Variants in MGAT4C observed in about 807,000 individuals in gnomAD.
MGAT4C encodes the protein alpha-1,3-mannosyl-glycoprotein 4-beta-N-acetylglucosaminyltransferase C.
MGAT4C carries 19 observed loss-of-function variants against 40.1 expected under a neutral mutation model. The ratio of observed to expected loss-of-function variants is 0.47; its 90% confidence interval spans 0.33 to 0.70. MGAT4C has a LOEUF of 0.70. Among genes scored for constraint, MGAT4C ranks in the 30% least tolerant of loss-of-function variants. The probability of loss-of-function intolerance (pLI) is 0.02; values close to 1 mark genes in which losing one functional copy is unlikely to be tolerated. For missense variants in MGAT4C, 491 were observed against 563.2 expected, an observed-to-expected ratio of 0.87 and a Z score of 1.30; for synonymous variants, 181 against 187.1, an observed-to-expected ratio of 0.97 and a Z score of 0.27.
chr12:86,172,385 A>C (rs1247469076), intron 1 of MGAT4C, among the ~76,000 whole-genome samples: 1 of 152,172 alleles, frequency 6.6e-6, no homozygotes, highest in African/African-American at 2.4e-5. Context: ...GTCCAATAAA[A>C]TTTCTATATT....
intron 3 of MGAT4C, among the ~76,000 whole-genome samples, chr12:86,359,755 A>G (rs1449780375): frequency 2.0e-5 from 3 of 152,198 alleles, no homozygotes; most frequent in Admixed American, 1.3e-4. Flanking sequence ...TCCTGGACAC[A>G]TACACCCTCC....
chr12:86,708,613 C>T (rs1950504276), intron 2 of MGAT4C, among the ~76,000 whole-genome samples: 1 of 152,122 alleles, frequency 6.6e-6, no homozygotes, highest in African/African-American at 2.4e-5. Flanking sequence ...TGAAAGCAGC[C>T]AGGAGGGAGG....
intron 2 of MGAT4C, among the ~76,000 whole-genome samples, chr12:86,505,109 C>G (rs774277830): frequency 2.9e-4 from 44 of 151,954 alleles, no homozygotes; most frequent in East Asian, 1.9e-4. Flanking sequence ...GTGATAACGC[C>G]TGGTTAAAAA....
intron 1 of MGAT4C, among the ~76,000 whole-genome samples, chr12:86,112,316 C>G (rs1053278897): frequency 2.6e-5 from 4 of 151,464 alleles, no homozygotes; most frequent in African/African-American, 9.7e-5. Flanking sequence ...TTACTTCCCC[C>G]CCACCCTTTT....
At chr12:86,730,379 T>TAAAG (rs1950888667) in intron 1 of MGAT4C, among the ~76,000 whole-genome samples, 1 of 106,042 alleles carries the variant, frequency 9.4e-6, no homozygotes, top group Admixed American at 1.1e-4. Flanking sequence ...AGTCATATCA[T>TAAAG]CTTTTTCAAG....
chr12:86,732,553 A>C (rs1372551054), intron 1 of MGAT4C, among the ~76,000 whole-genome samples: 1 of 152,092 alleles, frequency 6.6e-6, no homozygotes, highest in Non-Finnish European at 1.5e-5. Context: ...AGGCGTGTGC[A>C]ACCTATATCC....
chr12:86,137,569 T>G (rs1415584488), intron 1 of MGAT4C, among the ~76,000 whole-genome samples: 1 of 152,210 alleles, frequency 6.6e-6, no homozygotes, highest in Non-Finnish European at 1.5e-5. Flanking sequence ...TAATAAATTC[T>G]TATCAGTTCT....
At chr12:86,156,056 G>A (rs1396704041) in intron 1 of MGAT4C, among the ~76,000 whole-genome samples, 1 of 151,966 alleles carries the variant, frequency 6.6e-6, no homozygotes, top group Non-Finnish European at 1.5e-5. Flanking sequence ...TTATTAAATT[G>A]CATATTATAT....
intron 3 of MGAT4C, among the ~76,000 whole-genome samples, chr12:86,338,277 C>A (rs1566300307): frequency 6.6e-6 from 1 of 152,092 alleles, no homozygotes; most frequent in East Asian, 1.9e-4. Context: ...TGAGTCAGTT[C>A]CTGAGTGGGG....
In MGAT4C at chr12:86,532,055, T is replaced by G. The variant is rs573022243; in HGVS notation, c.-228-96790A>C. On this transcript the variant is annotated intron_variant, in intron 2 of 7. Coordinates refer to the MGAT4C transcript ENST00000548651. ...AATAAGAATATCAGTCAAGTTATCA[T>G]AGTCATTTTTATAGATTCTTTAACT... is the stretch of plus-strand genomic sequence containing the variant. Among the ~76,000 whole-genome samples the G allele has an allele frequency of 1.4e-3, 209 of 152,072 alleles. 1 individual carries two copies. The highest frequency in any genetic ancestry group is 3.5e-3 in the Middle Eastern group (1 of 286).
chr12:86,744,465 C>T (rs1379971837), intron 1 of MGAT4C, among the ~76,000 whole-genome samples: 1 of 151,472 alleles, frequency 6.6e-6, no homozygotes. Context: ...CAAAATCTCT[C>T]CTCCTTCACT....
At chr12:86,712,050 G>T (rs1162406543) in intron 2 of MGAT4C, among the ~76,000 whole-genome samples, 2 of 151,964 alleles carry the variant, frequency 1.3e-5, no homozygotes, top group South Asian at 2.1e-4. Flanking sequence ...ATAAGTACCT[G>T]CATATACAAT....
At chr12:86,309,575 T>G (rs1954018997) in intron 4 of MGAT4C, among the ~76,000 whole-genome samples, 1 of 152,220 alleles carries the variant, frequency 6.6e-6, no homozygotes, top group Non-Finnish European at 1.5e-5. Context: ...GGCTCTGCCC[T>G]CATGACTTAA....
chr12:86,321,097 T>G (rs1193918134), intron 4 of MGAT4C, among the ~76,000 whole-genome samples: 1 of 152,162 alleles, frequency 6.6e-6, no homozygotes, highest in Non-Finnish European at 1.5e-5. Flanking sequence ...TATACATTTT[T>G]AAAGTCACTA....
intron 3 of MGAT4C, among the ~76,000 whole-genome samples, chr12:86,347,798 CTT>C (rs1309248417): frequency 6.6e-6 from 1 of 152,144 alleles, no homozygotes; most frequent in African/African-American, 2.4e-5. Context: ...ATTCCTGACA[CTT>C]TTATTACAAA....
intron 1 of MGAT4C, among the ~76,000 whole-genome samples, chr12:86,735,563 C>A (rs1950972467): frequency 6.6e-6 from 1 of 151,650 alleles, no homozygotes; most frequent in African/African-American, 2.4e-5. Flanking sequence ...ATTTTGGGGT[C>A]AATGGAAGTA....
chr12:86,389,337 C>T (rs1330617890), intron 3 of MGAT4C, among the ~76,000 whole-genome samples: 1 of 152,106 alleles, frequency 6.6e-6, no homozygotes, highest in African/African-American at 2.4e-5. Flanking sequence ...GGAAAATGGC[C>T]TCTAGCTCCA....
rs1293012670 is a variant in MGAT4C at position 85,968,089 on chromosome 12, T to G, written c.*11200A>C. ...CAGTTCTTGGAAAAAGAAAAACAAA[T>G]AAATTGGAGATTTGGATCATATGGG... is the stretch of plus-strand genomic sequence containing the variant. On this transcript the variant is annotated 3_prime_UTR_variant, in exon 5 of 5. Transcript: ENST00000611864. 6.6e-6 allele frequency: 1 copy of G among 151,976 alleles called. No individual in the cohort carries two copies. The highest frequency in any genetic ancestry group is 2.4e-5 in the African/African-American group (1 of 41,422). 9.4% of individuals were successfully genotyped at this position (151,976 alleles called of 1,614,324 possible).
At chr12:86,649,538 G>A (rs1242173858) in intron 2 of MGAT4C, among the ~76,000 whole-genome samples, 1 of 151,736 alleles carries the variant, frequency 6.6e-6, no homozygotes, top group African/African-American at 2.4e-5. Flanking sequence ...AGATATAAAA[G>A]CCAAATATTA....
Sources: gnomAD v4.1 joint callset for allele counts (sites outside exome capture counted in the v4.1 genomes callset) on GRCh38, gnomAD v4.1.1 for gene constraint, MANE v1.5 for transcripts, NCBI Gene and HGNC (gene_info 2026-07-23, HGNC 2026-07-21) for gene names.